Variants in PDE1A observed in about 807,000 individuals in gnomAD.
PDE1A encodes phosphodiesterase 1A.
In PDE1A, 35 loss-of-function variants were observed where a neutral mutation model predicts 61.7. The ratio of observed to expected loss-of-function variants is 0.57; its 90% confidence interval spans 0.43 to 0.75. The LOEUF is 0.75. PDE1A is among the 30% of genes least tolerant of loss of function. PDE1A has a pLI of 0.00. For synonymous variants in PDE1A, 232 were observed against 213.2 expected (o/e 1.09, Z -0.77); for missense variants, 597 against 630.6 (o/e 0.95, Z 0.57).
intron 7 of PDE1A, among the ~76,000 whole-genome samples, chr2:182,213,999 T>G (rs1687916419): frequency 7.5e-6 from 1 of 133,720 alleles, no homozygotes; most frequent in African/African-American, 2.8e-5. Context: ...AAGAAAAAAA[T>G]GTTAAGGGCA....
the PDE1A span, among the ~76,000 whole-genome samples, chr2:182,568,938 AAATAAT>A: frequency 6.6e-5 from 10 of 152,132 alleles, no homozygotes; most frequent in African/African-American, 1.9e-4. Context: ...AAATTGAAAA[AAATAAT>A]AATAATAATA....
intron 1 of PDE1A, among the ~76,000 whole-genome samples, chr2:182,419,776 T>G (rs1206328976): frequency 6.6e-6 from 1 of 152,176 alleles, no homozygotes; most frequent in Non-Finnish European, 1.5e-5. Flanking sequence ...ACTACATGCC[T>G]TTTGTTTCGC....
At chr2:182,626,814 CATATATATAT>C in the PDE1A span, among the ~76,000 whole-genome samples, 14 of 17,894 alleles carry the variant, frequency 7.8e-4, 1 homozygote, top group Admixed American at 4.5e-3. Flanking sequence ...TATATATATA[CATATATATAT>C]ACATATATAT....
intron 1 of PDE1A, among the ~76,000 whole-genome samples, chr2:182,393,788 T>C (rs757134584): frequency 3.1e-4 from 47 of 152,354 alleles, no homozygotes; most frequent in Non-Finnish European, 4.9e-4. Flanking sequence ...CAAAATGCCA[T>C]CAGTCTCTTT....
At chr2:182,251,908 G>C (rs1273476872) in intron 2 of PDE1A, among the ~76,000 whole-genome samples, 2 of 152,126 alleles carry the variant, frequency 1.3e-5, no homozygotes, top group Non-Finnish European at 2.9e-5. Context: ...ACAGACCATG[G>C]GTGGAGAATG....
chr2:182,448,204 T>G (rs1263858792), intron 2 of PDE1A, among the ~76,000 whole-genome samples: 2 of 152,120 alleles, frequency 1.3e-5, no homozygotes, highest in East Asian at 3.9e-4. Flanking sequence ...GCTCAGTAAC[T>G]TTTGATTTTA....
intron 2 of PDE1A, among the ~76,000 whole-genome samples, chr2:182,467,674 A>G (rs932613875): frequency 1.2e-4 from 19 of 152,026 alleles, no homozygotes; most frequent in African/African-American, 4.6e-4. Context: ...CAAATTGAGC[A>G]TTATGTAAAA....
At chr2:182,493,331 G>A (rs549200603) in intron 2 of PDE1A, among the ~76,000 whole-genome samples, 6 of 150,694 alleles carry the variant, frequency 4.0e-5, no homozygotes, top group Admixed American at 2.0e-4. Context: ...TGTGCACAAC[G>A]TGCAGGCTTG....
the PDE1A span, among the ~76,000 whole-genome samples, chr2:182,604,876 C>A: frequency 7.9e-5 from 12 of 152,016 alleles, no homozygotes; most frequent in South Asian, 2.5e-3. Flanking sequence ...TAGTATTATA[C>A]GTCAGGTACT....
At chr2:182,329,162 A>G (rs1383898) in intron 1 of PDE1A, among the ~76,000 whole-genome samples, 98,812 of 151,952 alleles carry the variant, frequency 0.65, 33,739 homozygotes, top group Middle Eastern at 0.79. Flanking sequence ...AGGCATAGTA[A>G]ATGATTATAT....
At chr2:182,691,518 C>G in the PDE1A span, among the ~76,000 whole-genome samples, 5 of 152,126 alleles carry the variant, frequency 3.3e-5, no homozygotes, top group African/African-American at 9.7e-5. Flanking sequence ...GCACCTTATA[C>G]AAAAATTAAT....
the PDE1A span, among the ~76,000 whole-genome samples, chr2:182,590,174 G>A: frequency 3.3e-5 from 5 of 152,284 alleles, no homozygotes; most frequent in Admixed American, 6.5e-5. Flanking sequence ...ACTGAAATGT[G>A]TATAAACGTA....
chr2:182,680,850 A>T, the PDE1A span, among the ~76,000 whole-genome samples: 10 of 152,358 alleles, frequency 6.6e-5, no homozygotes, highest in East Asian at 1.9e-3. Flanking sequence ...GGGCTACCCC[A>T]TAGGCAGTGT....
chr2:182,256,038 C>CTTTTTTTTTTTTTT (rs755211798), intron 2 of PDE1A, among the ~76,000 whole-genome samples: 2 of 92,334 alleles, frequency 2.2e-5, no homozygotes, highest in African/African-American at 4.1e-5. Context: ...AGGATGACTT[C>CTTTTTTTTTTTTTT]TTTTTTTTTT....
intron 13 of PDE1A, among the ~76,000 whole-genome samples, chr2:182,182,529 T>C (rs546167244): frequency 1.3e-5 from 2 of 152,178 alleles, no homozygotes; most frequent in Non-Finnish European, 2.9e-5. Context: ...CAAAAGCACA[T>C]TTTCCATTCT....
the PDE1A span, among the ~76,000 whole-genome samples, chr2:182,666,033 A>T: frequency 2.6e-5 from 4 of 152,278 alleles, no homozygotes; most frequent in Non-Finnish European, 5.9e-5. Flanking sequence ...GCATGGACAC[A>T]GGGAGGTGAA....
chr2:182,595,775 G>T, the PDE1A span, among the ~76,000 whole-genome samples: 1 of 152,172 alleles, frequency 6.6e-6, no homozygotes, highest in African/African-American at 2.4e-5. Flanking sequence ...GGGTGAGGGT[G>T]ATTTGTCTGC....
intron 1 of PDE1A, among the ~76,000 whole-genome samples, chr2:182,407,387 T>A (rs2125495045): frequency 6.6e-6 from 1 of 152,276 alleles, no homozygotes; most frequent in African/African-American, 2.4e-5. Flanking sequence ...TTATTATTTT[T>A]TTTTTATTTT....
chr2:182,610,720 T>C, the PDE1A span, among the ~76,000 whole-genome samples: 1 of 152,080 alleles, frequency 6.6e-6, no homozygotes, highest in African/African-American at 2.4e-5. Flanking sequence ...CAAAATTGAA[T>C]AGGATTGGAT....
Sources: gnomAD v4.1 joint callset for allele counts (sites outside exome capture counted in the v4.1 genomes callset) on GRCh38, gnomAD v4.1.1 for gene constraint, MANE v1.5 for transcripts, NCBI Gene and HGNC (gene_info 2026-07-23, HGNC 2026-07-21) for gene names.